Variants in TASP1 observed in about 807,000 individuals in gnomAD.
TASP1 encodes taspase 1, also known as threonine aspartase 1.
In TASP1, 16 loss-of-function variants were observed where a neutral mutation model predicts 56.6. The ratio of observed to expected loss-of-function variants is 0.28; its 90% CI spans 0.19 to 0.43. The LOEUF (loss-of-function observed/expected upper bound fraction) is 0.43, where lower values mean the gene tolerates loss of function less well. Among genes scored for constraint, TASP1 ranks in the 20% least tolerant of loss-of-function variants. The pLI is 1.00. For missense variants in TASP1, 393 were observed against 511.6 expected, an observed-to-expected ratio of 0.77 and a Z score of 2.24; for synonymous variants, 179 against 184.2, an observed-to-expected ratio of 0.97 and a Z score of 0.23.
the TASP1 span, among the ~76,000 whole-genome samples, chr20:13,240,393 C>T: frequency 6.6e-6 from 1 of 152,162 alleles, no homozygotes; most frequent in Non-Finnish European, 1.5e-5. Context: ...AAAAGTGACA[C>T]TTGAGTCCTG....
the TASP1 span, among the ~76,000 whole-genome samples, chr20:13,120,881 A>T: frequency 6.6e-6 from 1 of 152,168 alleles, no homozygotes; most frequent in Admixed American, 6.5e-5. Flanking sequence ...TGTTTTGCTC[A>T]CTTTGGGTTT....
chr20:13,424,137 T>A (rs1205600539), intron 12 of TASP1, among the ~76,000 whole-genome samples: 1 of 152,168 alleles, frequency 6.6e-6, no homozygotes, highest in East Asian at 1.9e-4. Flanking sequence ...CCATCAGAAA[T>A]TTTAAAAGGT....
the TASP1 span, among the ~76,000 whole-genome samples, chr20:13,336,984 CAGTTTCAGATAGGACT>C: frequency 3.3e-5 from 5 of 152,192 alleles, no homozygotes; most frequent in African/African-American, 1.2e-4. Flanking sequence ...TGAAATAAAA[CAGTTTCAGATAGGACT>C]AGATGTTTCC....
intron 11 of TASP1, among the ~76,000 whole-genome samples, chr20:13,455,510 T>C (rs549222640): frequency 1.1e-4 from 16 of 152,056 alleles, no homozygotes; most frequent in Non-Finnish European, 1.9e-4. Flanking sequence ...ATCAAACTTA[T>C]GGTGAAGGTT....
chr20:13,189,101 G>A, the TASP1 span, among the ~76,000 whole-genome samples: 1 of 152,136 alleles, frequency 6.6e-6, no homozygotes, highest in African/African-American at 2.4e-5. Flanking sequence ...TAAATCTGCT[G>A]GGATTCTGGG....
At chr20:13,159,982 C>CTT in the TASP1 span, 1 of 1,441,882 alleles carries the variant, frequency 6.9e-7, no homozygotes, top group Non-Finnish European at 9.2e-7. Flanking sequence ...TTTTTTTTTT[C>CTT]TTTTTTTGCT....
chr20:13,254,202 C>A, the TASP1 span, among the ~76,000 whole-genome samples: 1 of 151,752 alleles, frequency 6.6e-6, no homozygotes, highest in Admixed American at 6.6e-5. Flanking sequence ...CACTGCACCC[C>A]AGCCTGGGCG....
chr20:13,356,929 G>T, the TASP1 span, among the ~76,000 whole-genome samples: 1 of 152,190 alleles, frequency 6.6e-6, no homozygotes, highest in African/African-American at 2.4e-5. Context: ...AACACATGCA[G>T]ATTTCCACCC....
chr20:13,501,900 T>C (rs2043960588), intron 10 of TASP1, among the ~76,000 whole-genome samples: 1 of 151,848 alleles, frequency 6.6e-6, no homozygotes. Flanking sequence ...CAAAGTTACA[T>C]AAAAACAAAG....
At chr20:13,436,622 G>C (rs765838130) in intron 11 of TASP1, among the ~76,000 whole-genome samples, 1 of 152,186 alleles carries the variant, frequency 6.6e-6, no homozygotes, top group Non-Finnish European at 1.5e-5. Context: ...GGGCAGGAAA[G>C]AGGCTACACA....
the TASP1 span, among the ~76,000 whole-genome samples, chr20:13,179,603 G>T: frequency 6.6e-6 from 1 of 152,156 alleles, no homozygotes; most frequent in South Asian, 2.1e-4. Context: ...GGTCAAGACT[G>T]CTTAGAGGTT....
At chr20:13,221,999 A>C in the TASP1 span, 1 of 1,194,112 alleles carries the variant, frequency 8.4e-7, no homozygotes, top group South Asian at 2.8e-5. Flanking sequence ...GGGTGGATGC[A>C]GGGAGGCAGG....
chr20:13,630,112 G>T lies in TASP1; in HGVS notation c.-34C>A. 2 of 1,593,080 alleles carry T rather than the reference G, an allele frequency of 1.3e-6. No individual in the cohort carries two copies. Among genetic ancestry groups the T allele is most frequent in the East Asian group, 2.3e-5 (1 of 44,084 alleles). On this transcript the variant is annotated 5_prime_UTR_variant, in exon 2 of 14. An upstream open reading frame in the 5' UTR gains an earlier in-frame stop. Transcript: ENST00000337743. ...ATTACCATCTTCTACTGAGAAAGGG[G>T]CATACTTCCATCCAAAAGTAATTGC...
At chr20:13,373,453 TCA>T in the TASP1 span, among the ~76,000 whole-genome samples, 2 of 84,492 alleles carry the variant, frequency 2.4e-5, no homozygotes, top group African/African-American at 4.5e-5. Context: ...GCAAATTCTT[TCA>T]GTTTTTTTTT....
the TASP1 span, among the ~76,000 whole-genome samples, chr20:13,208,775 G>A: frequency 6.6e-6 from 1 of 152,202 alleles, no homozygotes; most frequent in Non-Finnish European, 1.5e-5. Flanking sequence ...GATTATCCTT[G>A]ATGAACCAGG....
the TASP1 span, among the ~76,000 whole-genome samples, chr20:13,273,048 C>T: frequency 6.6e-6 from 1 of 152,098 alleles, no homozygotes. Flanking sequence ...TGCCTGGATG[C>T]GGGAGAACGG....
At chr20:13,285,365 A>T in the TASP1 span, among the ~76,000 whole-genome samples, 34,157 of 152,078 alleles carry the variant, frequency 0.22, 3,877 homozygotes, top group African/African-American at 0.27. Flanking sequence ...TCTCTCCCTC[A>T]CAAGTCCGTG....
At chr20:13,607,775 C>T (rs369946490) in intron 4 of TASP1, among the ~76,000 whole-genome samples, 4 of 152,184 alleles carry the variant, frequency 2.6e-5, no homozygotes, top group African/African-American at 9.6e-5. Flanking sequence ...GTGACCAGCC[C>T]GGCCAACATG....
the TASP1 span, among the ~76,000 whole-genome samples, chr20:13,315,441 G>A: frequency 6.6e-6 from 1 of 152,000 alleles, no homozygotes; most frequent in Non-Finnish European, 1.5e-5. Context: ...GGGATAAAAC[G>A]AGTTGTTACG....
Sources: allele counts gnomAD v4.1 joint callset (sites outside exome capture counted in the v4.1 genomes callset), GRCh38; gene constraint gnomAD v4.1.1; transcripts MANE v1.5; gene names NCBI Gene and HGNC (gene_info 2026-07-23, HGNC 2026-07-21).